Variants in CEP295 observed in about 807,000 individuals in gnomAD.
CEP295 encodes the protein centrosomal protein of 295 kDa.
Under a neutral mutation model 291.6 loss-of-function variants are expected in CEP295, and 190 were observed. The ratio of observed to expected loss-of-function variants is 0.65; its 90% CI spans 0.58 to 0.73. The LOEUF is 0.73. CEP295 is among the 30% of genes least tolerant of loss of function. CEP295 has a pLI of 0.00. For missense variants in CEP295, 2,863 were observed against 2,949.4 expected (o/e 0.97, Z 0.68); for synonymous variants, 993 against 1,038.8 (o/e 0.96, Z 0.85).
Position 93,692,109 on chromosome 11 carries a change from G to A in CEP295, c.1533+79G>A. On this transcript the variant is annotated intron_variant, in intron 12 of 29. Transcript: ENST00000325212. ...TAATTTTGTTTGGCCAATGAAATTT[G>A]TCTTAATGTCTGGCTAATTTTGATA... is the stretch of plus-strand genomic sequence containing the variant. 6 of 752,392 alleles carry A rather than the reference G, an allele frequency of 8.0e-6. No homozygotes were observed. The South Asian group carries it at 9.1e-5, about 11-fold the overall frequency. The allele number at this position is 752,392 out of a possible 1,614,324, so 46.6% of individuals were successfully genotyped here.
intron 5 of CEP295, among the ~76,000 whole-genome samples, chr11:93,670,681 C>T (rs902585362): frequency 4.6e-5 from 7 of 152,152 alleles, no homozygotes; most frequent in East Asian, 1.9e-4. Context: ...AAAATTCAGA[C>T]GGAAAAGTTG....
intron 10 of CEP295, among the ~76,000 whole-genome samples, chr11:93,688,585 G>T (rs1266719990): frequency 6.6e-6 from 1 of 151,800 alleles, no homozygotes; most frequent in South Asian, 2.1e-4. Context: ...CTTGGTTTTC[G>T]TACTTTACTA....
intron 18 of CEP295, among the ~76,000 whole-genome samples, chr11:93,719,327 G>T (rs766684201): frequency 2.0e-5 from 3 of 150,768 alleles, no homozygotes; most frequent in Non-Finnish European, 4.4e-5. Flanking sequence ...GAGTGCAGTG[G>T]TGCCATTATA....
intron 12 of CEP295, among the ~76,000 whole-genome samples, chr11:93,694,643 T>G (rs1951759378): frequency 6.6e-6 from 1 of 152,212 alleles, no homozygotes; most frequent in Non-Finnish European, 1.5e-5. Flanking sequence ...GGCTACTAAG[T>G]AACAAATGGC....
At chr11:93,688,649 T>C (rs778804208) in intron 10 of CEP295, among the ~76,000 whole-genome samples, 1 of 152,190 alleles carries the variant, frequency 6.6e-6, no homozygotes, top group East Asian at 1.9e-4. Context: ...TGACTAACCA[T>C]TGTTAGTCGT....
rs1049175896 is a variant in CEP295 at position 93,723,343 on chromosome 11, C to T, written c.6196+54C>T. On this transcript the variant is annotated intron_variant, in intron 21 of 29. Transcript: ENST00000325212. ...TGTAAATTAAGTTTTAAATTTTCAC[C>T]TTTCATCATTTTAAATTTTATGCAG... The T allele has an allele frequency of 7.0e-6, 9 of 1,285,328 alleles. No homozygotes were observed. In the Admixed American group the frequency reaches 1.4e-4, roughly 20 times the overall value. 79.6% of individuals were successfully genotyped at this position (1,285,328 alleles called of 1,614,324 possible).
intron 18 of CEP295, among the ~76,000 whole-genome samples, chr11:93,717,973 A>G (rs1168844119): frequency 1.3e-5 from 2 of 152,166 alleles, no homozygotes; most frequent in East Asian, 3.9e-4. Flanking sequence ...GTGCAGTGGC[A>G]CAACCACAGC....
intron 8 of CEP295, 110 bp from the exon 9 acceptor site, chr11:93,683,854 A>C: frequency 7.1e-7 from 1 of 1,413,478 alleles, no homozygotes; most frequent in Non-Finnish European, 9.5e-7. Flanking sequence ...TGTTTGAAGG[A>C]GGCCCCCCAT....
At chr11:93,703,752 C>T (rs911030340) in intron 17 of CEP295, among the ~76,000 whole-genome samples, 3 of 150,828 alleles carry the variant, frequency 2.0e-5, no homozygotes, top group African/African-American at 7.3e-5. Flanking sequence ...TAATAAAACA[C>T]TCATCCCTGT....
Position 93,699,036 on chromosome 11 carries a change from A to G in CEP295, c.4124A>G (p.Glu1375Gly), listed in dbSNP as rs1026101115. The G allele has an allele frequency of 2.6e-6, 4 of 1,546,428 alleles. No individual in the cohort carries two copies. The highest frequency in any genetic ancestry group is 1.7e-6 in the Non-Finnish European group (2 of 1,147,046). ...CTAGCTAGACAAGAAGCTCGGGAAG[A>G]ATTACTTTTACATCAGAGTGAATGG... ...IILARQEARE[E>G]LLLHQSEWEG... The change falls in exon 15 of 30, where the codon GAA becomes GGA. Residue 1375 changes from glutamate to glycine, a missense_variant. Glu to Gly is a moderately conservative substitution (Grantham distance 98, BLOSUM62 -2). This residue lies in a region of CEP295 where 2,295 missense variants were observed against 2,335.7 expected (regional missense o/e 0.98). Coordinates refer to ENST00000325212, the MANE Select transcript of CEP295 (RefSeq NM_033395.2).
chr11:93,681,517 A>T lies in CEP295; in HGVS notation c.765+1965A>T, dbSNP rs565555470. Among the ~76,000 whole-genome samples, 240 of 138,234 alleles carry T rather than the reference A, an allele frequency of 1.7e-3. 5 individuals carry two copies. In the South Asian group the frequency reaches 0.054, roughly 31 times the overall value. The allele number at this position is 138,234 out of a possible 152,430, so 90.7% of individuals were successfully genotyped here. ...TGCAACCTCCACCTCCTGGGTTCAA[A>T]TGACTCTCCTGCCTTGGCCTCCCAA... On this transcript the variant is annotated intron_variant, in intron 7 of 29. Transcript: ENST00000325212.
intron 7 of CEP295, 103 bp downstream of exon 7, chr11:93,679,655 T>C (rs1590997131): frequency 1.1e-6 from 1 of 908,824 alleles, no homozygotes; most frequent in East Asian, 2.9e-5. Context: ...AGGGTGGGTG[T>C]TCAATATAGT....
At chr11:93,679,275 A>AT in intron 6 of CEP295, 137 bp from the exon 7 acceptor site, 2 of 732,672 alleles carry the variant, frequency 2.7e-6, no homozygotes, top group South Asian at 4.3e-5. Flanking sequence ...GCCGTTGATA[A>AT]TTGTGGACAT....
At position 93,706,779 on chromosome 11, in the gene CEP295, G is replaced by A; in HGVS notation, c.5631G>A (p.Leu1877=). The change falls in exon 18 of 30, where the codon CTG becomes CTA. Residue 1877 remains leucine (L), a synonymous_variant. Transcript: ENST00000325212. The stretch of plus-strand genomic sequence containing the variant: ...GTATTTATGAAGACAGAGACCCCCT[G>A]CGAGTCTCAATAAGCCGAGAACAAA... ...KPGIYEDRDP[L]RVSISREQSF... 6.5e-7 allele frequency: 1 copy of A among 1,549,162 alleles called. No individual in the cohort carries two copies. Among genetic ancestry groups the A allele is most frequent in the Non-Finnish European group, 8.7e-7 (1 of 1,145,832 alleles).
chr11:93,671,654 G>A (rs942043577), intron 5 of CEP295, among the ~76,000 whole-genome samples: 4 of 152,154 alleles, frequency 2.6e-5, no homozygotes, highest in African/African-American at 9.7e-5. Flanking sequence ...AAAGGTGTTT[G>A]GGATAAGGCA....
chr11:93,715,288 T>C (rs931867208), intron 18 of CEP295, among the ~76,000 whole-genome samples: 1 of 152,130 alleles, frequency 6.6e-6, no homozygotes, highest in Admixed American at 6.5e-5. Flanking sequence ...TGGAGAGTAC[T>C]ATCATGGTAC....
chr11:93,698,203 G>C lies in CEP295; in HGVS notation c.3291G>C (p.Val1097=). The change falls in exon 15 of 30, where the codon GTG becomes GTC. Residue 1097 remains valine (V), a synonymous_variant. Coordinates refer to ENST00000325212, the MANE Select transcript of CEP295 (RefSeq NM_033395.2). ...TGGGGGACAGTAAGTCTGGGCTGGT[G>C]AGCTCTTCATCCTCACCAGTGGTTG... is the stretch of plus-strand genomic sequence containing the variant. ...RDLGDSKSGL[V]SSSSSPVVVQ... 2.6e-6 allele frequency: 4 copies of C among 1,551,916 alleles called. No homozygotes were observed. The highest frequency in any genetic ancestry group is 3.5e-6 in the Non-Finnish European group (4 of 1,147,020).
chr11:93,700,281 A>C, intron 15 of CEP295, 95 bp downstream of exon 15: 7 of 1,153,986 alleles, frequency 6.1e-6, no homozygotes, highest in Non-Finnish European at 7.2e-6. Context: ...TATTGAGAAA[A>C]AGTAGTTTGA....
chr11:93,714,278 G>A (rs1474606986), intron 18 of CEP295, among the ~76,000 whole-genome samples: 2 of 152,096 alleles, frequency 1.3e-5, no homozygotes, highest in Non-Finnish European at 2.9e-5. Flanking sequence ...TTGAGACGGA[G>A]TCTTGTTCTG....
Sources: gnomAD v4.1 joint callset for allele counts (sites outside exome capture counted in the v4.1 genomes callset) on GRCh38, gnomAD v4.1.1 for gene constraint, gnomAD v4.1.1 regional missense constraint, MANE v1.5 for transcripts, NCBI Gene and HGNC (gene_info 2026-07-23, HGNC 2026-07-21) for gene names.